The following RBPJ variants were observed in gnomAD, a reference collection of about 807,000 sequenced individuals.
The protein encoded by RBPJ is recombining binding protein suppressor of hairless.
Under a neutral mutation model 67.8 loss-of-function variants are expected in RBPJ, and 9 were observed. The ratio of observed to expected loss-of-function variants is 0.13; its 90% CI spans 0.08 to 0.23. The LOEUF (loss-of-function observed/expected upper bound fraction) is 0.23, where lower values mean the gene tolerates loss of function less well. Ranked by LOEUF, RBPJ falls within the 10% of genes least tolerant of loss-of-function variation. The probability of loss-of-function intolerance (pLI) is 1.00; values close to 1 mark genes in which losing one functional copy is unlikely to be tolerated. For synonymous variants in RBPJ, 198 were observed against 203.3 expected (o/e 0.97, Z 0.22); for missense variants, 305 against 595.6 (o/e 0.51, Z 5.08).
intron 1 of RBPJ, among the ~76,000 whole-genome samples, chr4:26,177,130 A>G (rs958904529): frequency 6.6e-6 from 1 of 152,168 alleles, no homozygotes; most frequent in African/African-American, 2.4e-5. Flanking sequence ...GCTCCTAGAT[A>G]TTCATAAGCC....
chr4:26,385,746 A>G lies in RBPJ; in HGVS notation c.21-607A>G, dbSNP rs149673786. 8.1e-4 allele frequency among the ~76,000 whole-genome samples: 121 copies of G among 149,194 alleles called. 1 individual carries two copies. The highest frequency in any genetic ancestry group is 2.9e-3 in the African/African-American group (118 of 40,684). On this transcript the variant is annotated intron_variant, in intron 1 of 10. Transcript: ENST00000355476. ...TTTAAAATGAAGCCTATGTATACCCACTAGAATTTTCTTTTTCTTTTTCTT... is the reference window on the plus strand; with the variant it reads ...TTTAAAATGAAGCCTATGTATACCCGCTAGAATTTTCTTTTTCTTTTTCTT...
intron 1 of RBPJ, among the ~76,000 whole-genome samples, chr4:26,303,243 ATAATCCATATGAAATATATATG>A (rs1179982135): frequency 1.4e-5 from 2 of 147,474 alleles, no homozygotes; most frequent in Non-Finnish European, 3.0e-5. Flanking sequence ...ATATATATAT[ATAATCCATATGAAATATATATG>A]TAATCCATAT....
chr4:26,318,146 CACA>C (rs1321629659), upstream of RBPJ, among the ~76,000 whole-genome samples: 1 of 152,094 alleles, frequency 6.6e-6, no homozygotes, highest in African/African-American at 2.4e-5. Flanking sequence ...CACACACACA[CACA>C]CCCCTAAAAC....
At chr4:26,371,887 A>G (rs945382847) in intron 1 of RBPJ, among the ~76,000 whole-genome samples, 7 of 152,250 alleles carry the variant, frequency 4.6e-5, no homozygotes, top group African/African-American at 1.7e-4. Flanking sequence ...TAAGTAGTTT[A>G]TGGAACAGAA....
chr4:26,161,232 G>C (rs921097847), upstream of RBPJ, among the ~76,000 whole-genome samples: 5 of 152,216 alleles, frequency 3.3e-5, no homozygotes, highest in Non-Finnish European at 5.9e-5. Flanking sequence ...GAGGGTGACA[G>C]GCTACATGGG....
chr4:26,173,286 C>A (rs1716664230), intron 1 of RBPJ, among the ~76,000 whole-genome samples: 5 of 152,132 alleles, frequency 3.3e-5, no homozygotes, highest in Admixed American at 3.3e-4. Flanking sequence ...TAGGCATGTG[C>A]CACCATGCCC....
At chr4:26,276,384 CTA>C (rs1341475242) in intron 1 of RBPJ, among the ~76,000 whole-genome samples, 2 of 151,904 alleles carry the variant, frequency 1.3e-5, no homozygotes, top group African/African-American at 4.8e-5. Context: ...CCTATGGTAA[CTA>C]AAACAAAGCT....
At chr4:26,198,208 C>T (rs867433478) in intron 1 of RBPJ, among the ~76,000 whole-genome samples, 2 of 151,856 alleles carry the variant, frequency 1.3e-5, no homozygotes, top group African/African-American at 2.4e-5. Flanking sequence ...GAGCTGAGAT[C>T]GCGCCATTGC....
intron 1 of RBPJ, among the ~76,000 whole-genome samples, chr4:26,252,717 A>G (rs969115828): frequency 1.3e-5 from 2 of 152,216 alleles, no homozygotes; most frequent in African/African-American, 4.8e-5. Flanking sequence ...TTCAACACAG[A>G]ATTTTCAGAC....
intron 4 of RBPJ, among the ~76,000 whole-genome samples, chr4:26,419,313 T>C (rs1245312344): frequency 6.6e-6 from 1 of 152,222 alleles, no homozygotes; most frequent in Non-Finnish European, 1.5e-5. Context: ...CTTTATCTTA[T>C]TTTTGCCTTC....
the RBPJ span, among the ~76,000 whole-genome samples, chr4:26,126,584 G>A: frequency 3.9e-4 from 60 of 152,322 alleles, no homozygotes; most frequent in African/African-American, 1.3e-3. Context: ...GATACTGGTG[G>A]CAGGTCAAAC....
intron 1 of RBPJ, among the ~76,000 whole-genome samples, chr4:26,355,228 A>G (rs1314263866): frequency 6.6e-6 from 1 of 152,062 alleles, no homozygotes; most frequent in Admixed American, 6.6e-5. Flanking sequence ...TGGCCCGACT[A>G]TATATATATT....
chr4:26,368,334 A>G (rs928978304), intron 1 of RBPJ, among the ~76,000 whole-genome samples: 1 of 151,444 alleles, frequency 6.6e-6, no homozygotes, highest in Non-Finnish European at 1.5e-5. Flanking sequence ...AGATTATCCA[A>G]CTCTTCCTAC....
chr4:26,379,004 C>T (rs953751101), intron 1 of RBPJ, among the ~76,000 whole-genome samples: 10 of 151,826 alleles, frequency 6.6e-5, no homozygotes, highest in African/African-American at 1.9e-4. Context: ...CTAGCATGGG[C>T]GACGGAGTGA....
Position 26,337,339 on chromosome 4 carries a change from T to C in RBPJ, c.20+16291T>C, listed in dbSNP as rs560210219. On this transcript the variant is annotated intron_variant, in intron 1 of 10. Coordinates refer to ENST00000355476, the MANE Select transcript of RBPJ (RefSeq NM_015874.6). ...TGCATGTAAATGCGTACATAATCTT[T>C]TTTAATCTTGTTCTTCCATCTGTCC... Among the ~76,000 whole-genome samples, 9 of 152,334 alleles carry C rather than the reference T, an allele frequency of 5.9e-5. No homozygotes were observed. In the East Asian group the frequency reaches 1.7e-3, roughly 29 times the overall value.
rs146633109 is a variant in RBPJ, at chr4:26,259,069, T to C, written c.-167+95455T>C. ...CACCCCCCTCAGACTCCCAAAGTGC[T>C]GGGATTACAGGCGTGAGCCACCATG... On this transcript the variant is annotated intron_variant, in intron 1 of 4. Coordinates refer to the RBPJ transcript ENST00000512351. Among the ~76,000 whole-genome samples, 729 of 152,246 alleles carry C rather than the reference T, an allele frequency of 4.8e-3. 4 individuals are homozygous for C. The highest frequency in any genetic ancestry group is 0.017 in the African/African-American group (701 of 41,544).
intron 1 of RBPJ, among the ~76,000 whole-genome samples, chr4:26,251,755 G>A (rs1452681632): frequency 6.7e-6 from 1 of 150,198 alleles, no homozygotes; most frequent in Non-Finnish European, 1.5e-5. Context: ...GGCTGAGGCA[G>A]GAGAATTGCT....
At chr4:26,417,365 A>T (rs1400880826) in intron 4 of RBPJ, among the ~76,000 whole-genome samples, 1 of 152,152 alleles carries the variant, frequency 6.6e-6, no homozygotes, top group Admixed American at 6.5e-5. Flanking sequence ...CTGCCTCAAC[A>T]TGGAGATCTT....
At chr4:26,425,642 A>T (rs1420816361) in intron 7 of RBPJ, among the ~76,000 whole-genome samples, 1 of 152,130 alleles carries the variant, frequency 6.6e-6, no homozygotes, top group Non-Finnish European at 1.5e-5. Context: ...TGAAATTGTA[A>T]AAACTACTTT....
Sources: gnomAD v4.1 joint callset for allele counts (sites outside exome capture counted in the v4.1 genomes callset) on GRCh38, gnomAD v4.1.1 for gene constraint, MANE v1.5 for transcripts, NCBI Gene and HGNC (gene_info 2026-07-23, HGNC 2026-07-21) for gene names.